Variants in MFSD6 observed in about 807,000 individuals in gnomAD.
MFSD6 encodes the protein major facilitator superfamily domain containing 6.
Under a neutral mutation model 56.3 loss-of-function variants are expected in MFSD6, and 26 were observed. The ratio of observed to expected loss-of-function variants is 0.46; its 90% CI spans 0.34 to 0.64. The LOEUF (loss-of-function observed/expected upper bound fraction) is 0.64. MFSD6 is among the 30% of genes least tolerant of loss of function. The pLI, the probability that MFSD6 is intolerant of heterozygous loss-of-function variation, is 0.01. For missense variants in MFSD6, 750 were observed against 986.2 expected (o/e 0.76, Z 3.21); for synonymous variants, 331 against 366.9 (o/e 0.90, Z 1.12).
chr2:190,440,788 C>T (rs1283913873), intron 3 of MFSD6, among the ~76,000 whole-genome samples: 1 of 152,130 alleles, frequency 6.6e-6, no homozygotes, highest in Non-Finnish European at 1.5e-5. Context: ...TATTATTAGC[C>T]ATCAATTACT....
chr2:190,500,204 G>A lies in MFSD6; in HGVS notation c.2362G>A (p.Ala788Thr), dbSNP rs751664393. The change falls in exon 8 of 8, where the codon GCG (alanine) becomes ACG (threonine). Residue 788 changes from alanine to threonine, a missense_variant. Physicochemically the swap from Ala to Thr is moderately conservative, Grantham distance 58. This residue lies in a region of MFSD6 where 172 missense variants were observed against 203.9 expected (regional missense o/e 0.84). Coordinates refer to ENST00000392328, the MANE Select transcript of MFSD6 (RefSeq NM_017694.4). This position sits in a 1 kb window ranked among gnomAD's most constrained non-coding sequence, Gnocchi z 5.3. ...ESEEQQAQLAAGGH is the reference protein window; with the variant it reads ...ESEEQQAQLATGGH Reference sequence around the variant, plus strand: ...TGAAGAGCAGCAGGCTCAGCTGGCCGCGGGAGGACACTGAGGGCATCCTGC... The same window carrying A: ...TGAAGAGCAGCAGGCTCAGCTGGCCACGGGAGGACACTGAGGGCATCCTGC... 41 of 1,614,028 alleles carry A rather than the reference G, an allele frequency of 2.5e-5. No individual in the cohort carries two copies. The highest frequency in any genetic ancestry group is 5.0e-5 in the Admixed American group (3 of 60,002).
intron 3 of MFSD6, among the ~76,000 whole-genome samples, chr2:190,450,507 T>TTTTTTTTTG: frequency 6.8e-6 from 1 of 146,572 alleles, no homozygotes. Context: ...TTTTTTTTTT[T>TTTTTTTTTG]TTGAGACAGG....
chr2:190,484,640 A>G (rs111978733), intron 4 of MFSD6, among the ~76,000 whole-genome samples: 148 of 152,322 alleles, frequency 9.7e-4, no homozygotes, highest in African/African-American at 3.3e-3. Context: ...TAAGATTACT[A>G]GAAAGTTGCA....
rs534682167 is a variant in MFSD6 at position 190,431,297 on chromosome 2, C to T, written c.-53-4680C>T. On this transcript the variant is annotated intron_variant, in intron 2 of 7. Transcript: ENST00000392328. The surrounding 1 kb of genome is among the most constrained non-coding windows in gnomAD (Gnocchi z 4.4). ...GCAGAGACGCTCCTCACTTCCCAGA[C>T]GGGGTGGCGGCCGGGCAGAGGCTGC... Among the ~76,000 whole-genome samples the T allele has an allele frequency of 2.0e-3, 309 of 152,048 alleles. 5 individuals are homozygous for T. Among genetic ancestry groups the T allele is most frequent in the African/African-American group, 6.7e-3 (277 of 41,496 alleles).
At position 190,469,956 on chromosome 2, in the gene MFSD6, G is replaced by T. The variant is rs77653308; in HGVS notation, c.1630+101G>T. Reference sequence around the variant, plus strand: ...ATCTGATTCTATAAAGGAAGGGCAGGCCTACTGTTTCATGTGATTTTGAAG... The same window carrying T: ...ATCTGATTCTATAAAGGAAGGGCAGTCCTACTGTTTCATGTGATTTTGAAG... On this transcript the variant is annotated intron_variant, in intron 4 of 7. Coordinates refer to ENST00000392328, the MANE Select transcript of MFSD6 (RefSeq NM_017694.4). The surrounding 1 kb of genome is among the most constrained non-coding windows in gnomAD (Gnocchi z 5.3). 5.2e-4 allele frequency: 400 copies of T among 776,450 alleles called. 2 individuals are homozygous for T. The African/African-American group carries it at 6.5e-3, about 13-fold the overall frequency. The allele number at this position is 776,450 out of a possible 1,614,324, so 48.1% of individuals were successfully genotyped here.
Position 190,425,322 on chromosome 2 carries a change from G to A in MFSD6, c.-54+9909G>A, listed in dbSNP as rs1390427832. ...TTTGTTTTTGATCTGTATGTCTTTTGTTTTCTTTTATTTCCTATTGCACTG... is the reference window on the plus strand; with the variant it reads ...TTTGTTTTTGATCTGTATGTCTTTTATTTTCTTTTATTTCCTATTGCACTG... On this transcript the variant is annotated intron_variant, in intron 2 of 7. Transcript: ENST00000392328. The surrounding 1 kb of genome is among the most constrained non-coding windows in gnomAD (Gnocchi z 4.3). Among the ~76,000 whole-genome samples, 1 of 152,072 alleles carries A rather than the reference G, an allele frequency of 6.6e-6. No individual in the cohort carries two copies. The highest frequency in any genetic ancestry group is 1.5e-5 in the Non-Finnish European group (1 of 68,000).
chr2:190,444,984 G>T, intron 3 of MFSD6: 1 of 396,810 alleles, frequency 2.5e-6, no homozygotes, highest in Non-Finnish European at 3.4e-6. Flanking sequence ...TGTAGTCCAG[G>T]CCTCTTATTT....
Position 190,447,722 on chromosome 2 carries a change from T to C in MFSD6, c.1532+10161T>C, listed in dbSNP as rs182299083. Among the ~76,000 whole-genome samples, 1 of 152,308 alleles carries C rather than the reference T, an allele frequency of 6.6e-6. No individual in the cohort carries two copies. The highest frequency in any genetic ancestry group is 1.9e-4 in the East Asian group (1 of 5,186). On this transcript the variant is annotated intron_variant, in intron 3 of 7. Coordinates refer to ENST00000392328, the MANE Select transcript of MFSD6 (RefSeq NM_017694.4). This position sits in a 1 kb window ranked among gnomAD's most constrained non-coding sequence, Gnocchi z 4.5. ...TTACCTCCAAAGACATTGATACCCA[T>C]TTCTGGAGGAAAAGCCCCTTGGAGC...
intron 2 of MFSD6, among the ~76,000 whole-genome samples, chr2:190,421,945 C>T (rs755138745): frequency 8.0e-4 from 122 of 152,266 alleles, no homozygotes; most frequent in Non-Finnish European, 1.5e-3. Context: ...TTAACTCTCT[C>T]TTCTGCTCCT....
At position 190,485,107 on chromosome 2, in the gene MFSD6, T is replaced by G. The variant is rs1234642226; in HGVS notation, c.1631-3550T>G. Among the ~76,000 whole-genome samples, 1 of 152,178 alleles carries G rather than the reference T, an allele frequency of 6.6e-6. No individual in the cohort carries two copies. Among genetic ancestry groups the G allele is most frequent in the East Asian group, 1.9e-4 (1 of 5,202 alleles). On this transcript the variant is annotated intron_variant, in intron 4 of 7. Coordinates refer to ENST00000392328, the MANE Select transcript of MFSD6 (RefSeq NM_017694.4). This position sits in a 1 kb window ranked among gnomAD's most constrained non-coding sequence, Gnocchi z 5.1. ...AAGAATAGTTTAAAAGCATCCTGACTTAAGTCATCCCACTGGAAAATGCTT... is the reference window on the plus strand; with the variant it reads ...AAGAATAGTTTAAAAGCATCCTGACGTAAGTCATCCCACTGGAAAATGCTT...
At chr2:190,470,476 C>G (rs1687855694) in intron 4 of MFSD6, among the ~76,000 whole-genome samples, 1 of 152,142 alleles carries the variant, frequency 6.6e-6, no homozygotes, top group Admixed American at 6.5e-5. Context: ...GATTACTATT[C>G]AAAGCTCATT....
chr2:190,469,280 G>C lies in MFSD6; in HGVS notation c.1533-478G>C, dbSNP rs1179291193. Among the ~76,000 whole-genome samples, 1 of 152,068 alleles carries C rather than the reference G, an allele frequency of 6.6e-6. No homozygotes were observed. The highest frequency in any genetic ancestry group is 2.4e-5 in the African/African-American group (1 of 41,388). On this transcript the variant is annotated intron_variant, in intron 3 of 7. Coordinates refer to ENST00000392328, the MANE Select transcript of MFSD6 (RefSeq NM_017694.4). This position sits in a 1 kb window ranked among gnomAD's most constrained non-coding sequence, Gnocchi z 5.3. ...TCCTTGTGAAACTGCTTGGTATCTT[G>C]GGTATTATGAGCAAGGCCACATTCG...
chr2:190,468,383 T>C (rs1241913750), intron 3 of MFSD6, among the ~76,000 whole-genome samples: 1 of 152,140 alleles, frequency 6.6e-6, no homozygotes, highest in African/African-American at 2.4e-5. Flanking sequence ...TAGTGATAGC[T>C]GGGTGTCTGA....
upstream of MFSD6, among the ~76,000 whole-genome samples, chr2:190,408,092 G>C (rs967012801): frequency 6.6e-6 from 1 of 151,972 alleles, no homozygotes; most frequent in African/African-American, 2.4e-5. Context: ...GCTGGAGGCC[G>C]GGAGCGGGCA....
chr2:190,464,774 C>T (rs1339020608), intron 3 of MFSD6: 2 of 260,970 alleles, frequency 7.7e-6, no homozygotes, highest in Admixed American at 6.5e-5. Flanking sequence ...CCCAACTAGG[C>T]TGTAAGTCCC....
Position 190,434,940 on chromosome 2 carries a change from A to G in MFSD6, c.-53-1037A>G, listed in dbSNP as rs1252506217. Among the ~76,000 whole-genome samples, 1 of 152,160 alleles carries G rather than the reference A, an allele frequency of 6.6e-6. No homozygotes were observed. The highest frequency in any genetic ancestry group is 1.5e-5 in the Non-Finnish European group (1 of 68,034). On this transcript the variant is annotated intron_variant, in intron 2 of 7. Coordinates refer to ENST00000392328, the MANE Select transcript of MFSD6 (RefSeq NM_017694.4). The surrounding 1 kb of genome is among the most constrained non-coding windows in gnomAD (Gnocchi z 4.3). Reference sequence around the variant, plus strand: ...CTCCTGTCAGATCAGCAGAGGTATTAGATTTGCATAGGAGCATGAACGCTA... The same window carrying G: ...CTCCTGTCAGATCAGCAGAGGTATTGGATTTGCATAGGAGCATGAACGCTA...
At position 190,496,716 on chromosome 2, in the gene MFSD6, GA is replaced by G; in HGVS notation, c.1892-721del. On this transcript the variant is annotated intron_variant, in intron 6 of 7. Coordinates refer to ENST00000392328, the MANE Select transcript of MFSD6 (RefSeq NM_017694.4). The surrounding 1 kb of genome is among the most constrained non-coding windows in gnomAD (Gnocchi z 4.7). ...CACACATATACATACATACACAATG[GA>G]ATACTACTCAGCCATAAAAAGGAAT... Among the ~76,000 whole-genome samples the G allele has an allele frequency of 6.6e-6, 1 of 152,120 alleles. No homozygotes were observed. The highest frequency in any genetic ancestry group is 2.1e-4 in the South Asian group (1 of 4,816).
chr2:190,481,280 AC>A (rs1434093867), intron 4 of MFSD6, among the ~76,000 whole-genome samples: 2 of 152,214 alleles, frequency 1.3e-5, no homozygotes, highest in Admixed American at 6.5e-5. Flanking sequence ...TCAGTTATAG[AC>A]TTTTTTTAAG....
chr2:190,411,761 G>A, intron 1 of MFSD6: 1 of 985,376 alleles, frequency 1.0e-6, no homozygotes, highest in South Asian at 4.7e-5. Context: ...AGTCTCAGGT[G>A]ACTGGCTTTT....
Sources: gnomAD v4.1 joint callset for allele counts (sites outside exome capture counted in the v4.1 genomes callset) on GRCh38, gnomAD v4.1.1 for gene constraint, gnomAD v4.1.1 regional missense constraint, Gnocchi (gnomAD v3.1) non-coding constraint, MANE v1.5 for transcripts, NCBI Gene and HGNC (gene_info 2026-07-23, HGNC 2026-07-21) for gene names.